EDAR: variants seen among roughly 807,000 people sequenced by gnomAD.
EDAR encodes ectodysplasin A receptor.
Under a neutral mutation model 51.3 loss-of-function variants are expected in EDAR, and 38 were observed. The observed-to-expected ratio is 0.74, with a 90% confidence interval of 0.57 to 0.97. The LOEUF (loss-of-function observed/expected upper bound fraction) is 0.97, where lower values mean the gene tolerates loss of function less well. EDAR is among the 50% of genes least tolerant of loss of function. The pLI, the probability that EDAR is intolerant of heterozygous loss-of-function variation, is 0.00. For missense variants in EDAR, 528 were observed against 595.0 expected (o/e 0.89, Z 1.17); for synonymous variants, 227 against 242.1 (o/e 0.94, Z 0.58).
At chr2:108,914,979 C>A (rs1378783833) in intron 5 of EDAR, among the ~76,000 whole-genome samples, 2 of 152,244 alleles carry the variant, frequency 1.3e-5, no homozygotes, top group Non-Finnish European at 2.9e-5. Context: ...GTGGCACGAT[C>A]TTGGCTCACT....
intron 9 of EDAR, 126 bp downstream of exon 9, chr2:108,910,334 G>T: frequency 1.3e-6 from 1 of 759,764 alleles, no homozygotes; most frequent in Non-Finnish European, 2.3e-6. Flanking sequence ...GGGACTGTCT[G>T]TCGCCGAACG....
chr2:108,968,583 G>A (rs546564369), intron 1 of EDAR, among the ~76,000 whole-genome samples: 65 of 152,324 alleles, frequency 4.3e-4, no homozygotes, highest in African/African-American at 1.6e-3. Context: ...TGACCAGTCT[G>A]TCTGTGGCGC....
intron 1 of EDAR, among the ~76,000 whole-genome samples, chr2:108,975,500 C>T (rs1185639556): frequency 2.0e-5 from 3 of 152,168 alleles, no homozygotes; most frequent in Non-Finnish European, 2.9e-5. Context: ...GGTCAACCCG[C>T]GGTAGCTTGG....
intron 5 of EDAR, among the ~76,000 whole-genome samples, chr2:108,919,605 G>A (rs899189653): frequency 2.0e-5 from 3 of 152,150 alleles, no homozygotes; most frequent in Non-Finnish European, 2.9e-5. Flanking sequence ...TGATCTGCCT[G>A]CTTAGGCCTC....
intron 1 of EDAR, among the ~76,000 whole-genome samples, chr2:108,981,107 C>T (rs1330896530): frequency 1.3e-5 from 2 of 152,170 alleles, no homozygotes; most frequent in South Asian, 2.1e-4. Context: ...CCTTGGCTCT[C>T]GGAAATCCAC....
In EDAR at chr2:108,946,097, T is replaced by C. The variant is rs114582592; in HGVS notation, c.-18-15065A>G. ...GGAGGGCTGCCAAGTTTCTGGTGAC[T>C]CCAAGGACACACCAGCCCCTCCTCC... On this transcript the variant is annotated intron_variant, in intron 1 of 11. Coordinates refer to ENST00000258443, the MANE Select transcript of EDAR (RefSeq NM_022336.4). Among the ~76,000 whole-genome samples, 1,417 of 152,292 alleles carry C rather than the reference T, an allele frequency of 9.3e-3. 22 individuals carry two copies. Among genetic ancestry groups the C allele is most frequent in the African/African-American group, 0.032 (1,343 of 41,566 alleles).
At chr2:108,938,535 G>C (rs1188398646) in intron 1 of EDAR, among the ~76,000 whole-genome samples, 1 of 152,162 alleles carries the variant, frequency 6.6e-6, no homozygotes, top group Non-Finnish European at 1.5e-5. Flanking sequence ...TTCAGAGGGA[G>C]AGCACTTATC....
chr2:108,900,566 AAAAAAAAC>A (rs1467533141), intron 11 of EDAR, among the ~76,000 whole-genome samples: 1 of 77,456 alleles, frequency 1.3e-5, no homozygotes, highest in Non-Finnish European at 3.6e-5. Flanking sequence ...AAAAGAAAAA[AAAAAAAAC>A]AAAAAACCCA....
At chr2:108,908,085 T>A in intron 9 of EDAR, 66 bp from the exon 10 acceptor site, 1 of 1,499,482 alleles carries the variant, frequency 6.7e-7, no homozygotes, top group Non-Finnish European at 9.0e-7. Context: ...CAAGTTCTCC[T>A]GTGGTGAACT....
chr2:108,933,766 G>C (rs754882700), intron 1 of EDAR, among the ~76,000 whole-genome samples: 1 of 151,860 alleles, frequency 6.6e-6, no homozygotes, highest in African/African-American at 2.4e-5. Flanking sequence ...GCAGCGACGG[G>C]AGATCGGGGT....
chr2:108,962,211 G>A lies in EDAR; in HGVS notation c.-19+26749C>T, dbSNP rs17034680. ...GATGGCGCATTGCAGATTGCGCTGA[G>A]ATGCTCGGACGCTCTCACAGCCTTT... On this transcript the variant is annotated intron_variant, in intron 1 of 11. Coordinates refer to ENST00000258443, the MANE Select transcript of EDAR (RefSeq NM_022336.4). 6.1e-3 allele frequency among the ~76,000 whole-genome samples: 934 copies of A among 152,324 alleles called. 12 individuals carry two copies. The highest frequency in any genetic ancestry group is 0.022 in the African/African-American group (904 of 41,576).
chr2:108,959,485 T>C (rs1473782440), intron 1 of EDAR, among the ~76,000 whole-genome samples: 2 of 152,240 alleles, frequency 1.3e-5, no homozygotes, highest in Admixed American at 1.3e-4. Flanking sequence ...TATTGCATCT[T>C]TCAATGCTTT....
At chr2:108,963,371 C>T (rs1441131187) in intron 1 of EDAR, among the ~76,000 whole-genome samples, 3 of 152,006 alleles carry the variant, frequency 2.0e-5, no homozygotes, top group Non-Finnish European at 2.9e-5. Context: ...TGCCTAGAGC[C>T]GACGTTCTAA....
At chr2:108,912,909 A>G (rs1034219382) in intron 5 of EDAR, 145 bp from the exon 6 acceptor site, 2 of 727,212 alleles carry the variant, frequency 2.8e-6, no homozygotes, top group Admixed American at 2.1e-5. Context: ...TGTATTTCTT[A>G]GACTGTTTAA....
intron 1 of EDAR, among the ~76,000 whole-genome samples, chr2:108,959,712 G>C (rs542933296): frequency 4.0e-4 from 61 of 152,138 alleles, no homozygotes; most frequent in Non-Finnish European, 3.2e-4. Context: ...TGGAGATTTC[G>C]CCTTTCCCCA....
At chr2:108,904,283 T>C (rs1215144651) in intron 11 of EDAR, among the ~76,000 whole-genome samples, 9 of 152,078 alleles carry the variant, frequency 5.9e-5, no homozygotes, top group Non-Finnish European at 1.3e-4. Context: ...CTTCTCAGAA[T>C]AGCTAAAACA....
rs1323958196 is a variant in EDAR at position 108,960,870 on chromosome 2, T to C, written c.-19+28090A>G. ...AATATTCTTCAGGAACATGGCTATA[T>C]AGTATTCCACCATGTGGATGTACCA... On this transcript the variant is annotated intron_variant, in intron 1 of 11. Transcript: ENST00000258443. Among the ~76,000 whole-genome samples, 6 of 152,262 alleles carry C rather than the reference T, an allele frequency of 3.9e-5. No individual in the cohort carries two copies. In the East Asian group the frequency reaches 1.2e-3, roughly 29 times the overall value.
chr2:108,928,425 C>T (rs1347342457), intron 4 of EDAR, among the ~76,000 whole-genome samples: 24 of 152,152 alleles, frequency 1.6e-4, no homozygotes, highest in Admixed American at 1.6e-3. Context: ...TCACCTCCCC[C>T]GTCCCCACTG....
At chr2:108,919,405 C>T (rs1697090202) in intron 5 of EDAR, among the ~76,000 whole-genome samples, 1 of 152,114 alleles carries the variant, frequency 6.6e-6, no homozygotes, top group Non-Finnish European at 1.5e-5. Flanking sequence ...GTTGCCCAGG[C>T]TGGAGTGCAA....
Sources: allele counts gnomAD v4.1 joint callset (sites outside exome capture counted in the v4.1 genomes callset), GRCh38; gene constraint gnomAD v4.1.1; transcripts MANE v1.5; gene names NCBI Gene and HGNC (gene_info 2026-07-23, HGNC 2026-07-21).